The following SPATA31D1 variants were observed in gnomAD, a reference collection of about 807,000 sequenced individuals.
The protein encoded by SPATA31D1 is spermatogenesis-associated protein 31D1.
Under a neutral mutation model 13.2 loss-of-function variants are expected in SPATA31D1, and 6 were observed. The ratio of observed to expected loss-of-function variants is 0.46; its 90% CI spans 0.25 to 0.90. SPATA31D1 has a LOEUF of 0.90. Ranked by LOEUF, SPATA31D1 falls within the 40% of genes least tolerant of loss-of-function variation. SPATA31D1 has a pLI of 0.18. For synonymous variants in SPATA31D1, 903 were observed against 718.8 expected (o/e 1.26, Z -4.10); for missense variants, 2,445 against 1,884.7 (o/e 1.30, Z -5.50).
chr9:81,991,498 T>C lies in SPATA31D1; in HGVS notation c.1028T>C (p.Ile343Thr), dbSNP rs369239362. 26 of 1,613,540 alleles carry C rather than the reference T, an allele frequency of 1.6e-5. No homozygotes were observed. Among genetic ancestry groups the C allele is most frequent in the Middle Eastern group, 1.6e-4 (1 of 6,082 alleles). The change falls in exon 4 of 4, where the codon ATC becomes ACC. Residue 343 changes from isoleucine (I) to threonine (T), a missense_variant. Coordinates refer to ENST00000344803, the MANE Select transcript of SPATA31D1 (RefSeq NM_001001670.3). ...SGGSSTSAPT[I>T]KGIDHSHLAS... ...GGGTCATCCACCTCTGCCCCAACAATCAAAGGCATTGACCATTCACACCTT... is the reference window on the plus strand; with the variant it reads ...GGGTCATCCACCTCTGCCCCAACAACCAAAGGCATTGACCATTCACACCTT...
chr9:81,989,689 AATG>A (rs1393610533), intron 1 of SPATA31D1, 86 bp from the exon 2 acceptor site: 9 of 1,167,406 alleles, frequency 7.7e-6, no homozygotes, highest in Non-Finnish European at 9.6e-6. Flanking sequence ...TTGTATAATG[AATG>A]AATGAATGAA....
chr9:81,991,803 A>G lies in SPATA31D1; in HGVS notation c.1333A>G (p.Asn445Asp). 4 of 1,613,810 alleles carry G rather than the reference A, an allele frequency of 2.5e-6. No homozygotes were observed. Among genetic ancestry groups the G allele is most frequent in the Non-Finnish European group, 2.5e-6 (3 of 1,179,724 alleles). ...PGSFPKQLRP[N>D]YQLNSSRNML... ...ATCATTCCCAAAACAACTTAGGCCA[A>G]ACTACCAACTAAATTCCTCACGGAA... The change falls in exon 4 of 4, where the codon AAC becomes GAC. Residue 445 changes from asparagine to aspartate, a missense_variant. Asn to Asp is a conservative substitution (Grantham distance 23, BLOSUM62 1). Transcript: ENST00000344803.
Position 81,992,088 on chromosome 9 carries a change from A to C in SPATA31D1, c.1618A>C (p.Ile540Leu). 1.2e-6 allele frequency: 2 copies of C among 1,613,606 alleles called. No homozygotes were observed. The highest frequency in any genetic ancestry group is 2.2e-5 in the South Asian group (2 of 91,058). The change falls in exon 4 of 4, where the codon ATA becomes CTA. Residue 540 changes from isoleucine (I) to leucine (L), a missense_variant. Physicochemically the swap from Ile to Leu is conservative, Grantham distance 5. Coordinates refer to ENST00000344803, the MANE Select transcript of SPATA31D1 (RefSeq NM_001001670.3). ...VFFNGITNTS[I>L]SHESPVLPPP... ...CTTCAATGGCATTACAAATACATCT[A>C]TATCCCATGAATCCCCAGTACTTCC...
rs369239362 is a variant in SPATA31D1 at position 81,991,498 on chromosome 9, T to G, written c.1028T>G (p.Ile343Ser). The G allele has an allele frequency of 1.7e-5, 28 of 1,613,698 alleles. 1 individual carries two copies. The African/African-American group carries it at 2.7e-4, about 15-fold the overall frequency. ...GGGTCATCCACCTCTGCCCCAACAA[T>G]CAAAGGCATTGACCATTCACACCTT... ...SGGSSTSAPT[I>S]KGIDHSHLAS... The change falls in exon 4 of 4, where the codon ATC (isoleucine) becomes AGC (serine). Residue 343 changes from isoleucine to serine, a missense_variant. Ile to Ser is a moderately radical substitution (Grantham distance 142, BLOSUM62 -2). Transcript: ENST00000344803.
chr9:81,992,669 T>A lies in SPATA31D1; in HGVS notation c.2199T>A (p.Asn733Lys), dbSNP rs1257169905. ...SVSERIHGPL[N>K]ISLVEGQRCN... ...CAGAGAGAATTCATGGACCGTTAAA[T>A]ATCTCTTTGGTTGAGGGTCAGAGGT... The change falls in exon 4 of 4, where the codon AAT becomes AAA. Residue 733 changes from asparagine to lysine, a missense_variant. Coordinates refer to ENST00000344803, the MANE Select transcript of SPATA31D1 (RefSeq NM_001001670.3). The A allele has an allele frequency of 1.9e-6, 3 of 1,613,836 alleles. No homozygotes were observed. The highest frequency in any genetic ancestry group is 1.7e-6 in the Non-Finnish European group (2 of 1,179,734).
In SPATA31D1 at chr9:81,991,357, A is replaced by C; in HGVS notation, c.887A>C (p.His296Pro). The C allele has an allele frequency of 6.2e-7, 1 of 1,613,982 alleles. No homozygotes were observed. ...MNPIDSCARH[H>P]GPPIPSALPP... ...CCCATTGATTCTTGTGCTCGTCATC[A>C]CGGACCACCAATCCCATCTGCTTTA... Residue 296 changes from histidine to proline, a missense_variant, in exon 4 of 4, where the codon CAC (histidine) becomes CCC (proline). Transcript: ENST00000344803.
At position 81,993,748 on chromosome 9, in the gene SPATA31D1, C is replaced by G. The variant is rs754584975; in HGVS notation, c.3278C>G (p.Pro1093Arg). The G allele has an allele frequency of 1.3e-5, 21 of 1,613,874 alleles. No homozygotes were observed. Among genetic ancestry groups the G allele is most frequent in the Non-Finnish European group, 2.5e-6 (3 of 1,179,908 alleles). ...EDGRQTFLPP[P>R]HSIVDEVSQK... ...GGCAGACAGACTTTTCTGCCCCCGC[C>G]ACACAGCATCGTAGACGAAGTCAGT... The change falls in exon 4 of 4, where the codon CCA becomes CGA. Residue 1093 changes from proline to arginine, a missense_variant. By Grantham distance (103) the Pro-to-Arg change is moderately radical. Coordinates refer to ENST00000344803, the MANE Select transcript of SPATA31D1 (RefSeq NM_001001670.3).
intron 1 of SPATA31D1, among the ~76,000 whole-genome samples, chr9:81,989,399 C>A (rs559127891): frequency 1.3e-5 from 2 of 152,190 alleles, no homozygotes; most frequent in Non-Finnish European, 2.9e-5. Context: ...AGTCTTCCTT[C>A]GTGTTGGGCT....
In SPATA31D1 at chr9:81,991,997, T is replaced by C; in HGVS notation, c.1527T>C (p.Ser509=). The C allele has an allele frequency of 6.2e-7, 1 of 1,613,830 alleles. No homozygotes were observed. Among genetic ancestry groups the C allele is most frequent in the South Asian group, 1.1e-5 (1 of 91,074 alleles). The change falls in exon 4 of 4, where the codon TCT becomes TCC. Residue 509 remains serine, a synonymous_variant. Transcript: ENST00000344803. ...KYVQLFWGLP[S]LHSESLHPTV... is the part of the protein sequence containing the mutation. ...TCCAGCTCTTCTGGGGTCTCCCATCTTTGCACAGCGAGTCTCTGCATCCTA... is the reference window on the plus strand; with the variant it reads ...TCCAGCTCTTCTGGGGTCTCCCATCCTTGCACAGCGAGTCTCTGCATCCTA...
Position 81,993,921 on chromosome 9 carries a change from A to G in SPATA31D1, c.3451A>G (p.Asn1151Asp). 1 of 1,613,884 alleles carries G rather than the reference A, an allele frequency of 6.2e-7. No individual in the cohort carries two copies. Among genetic ancestry groups the G allele is most frequent in the Non-Finnish European group, 8.5e-7 (1 of 1,179,800 alleles). Residue 1151 changes from asparagine to aspartate, a missense_variant, in exon 4 of 4, where the codon AAT becomes GAT. Physicochemically the swap from Asn to Asp is conservative, Grantham distance 23. Coordinates refer to ENST00000344803, the MANE Select transcript of SPATA31D1 (RefSeq NM_001001670.3). Reference sequence around the variant, plus strand: ...CAGTAGAAAGACCTTTCCTGTCACCAATGCTCTTCAATCACAAACTAGGAA... The same window carrying G: ...CAGTAGAAAGACCTTTCCTGTCACCGATGCTCTTCAATCACAAACTAGGAA... Reference protein sequence around the residue: ...QGSRKTFPVTNALQSQTRNNL... With the variant: ...QGSRKTFPVTDALQSQTRNNL...
Position 81,994,453 on chromosome 9 carries a change from CAG to C in SPATA31D1, c.3984_3985del (p.Glu1330GlyfsTer17). The C allele has an allele frequency of 6.2e-7, 1 of 1,613,476 alleles. No individual in the cohort carries two copies. Among genetic ancestry groups the C allele is most frequent in the Non-Finnish European group, 8.5e-7 (1 of 1,179,608 alleles). ...AGCCTCCCTGTTCATAACAAGACATCAGGGGAGGTGCTTGGGAGCAAATCTTC... is the reference window on the plus strand; with the variant it reads ...AGCCTCCCTGTTCATAACAAGACATCGGGAGGTGCTTGGGAGCAAATCTTC... On this transcript the variant is annotated frameshift_variant, in exon 4 of 4. Coordinates refer to ENST00000344803, the MANE Select transcript of SPATA31D1 (RefSeq NM_001001670.3). LOFTEE classifies it low-confidence loss of function (END_TRUNC).
In SPATA31D1 at chr9:81,991,343, T is replaced by C; in HGVS notation, c.873T>C (p.Ser291=). 3.1e-6 allele frequency: 5 copies of C among 1,614,018 alleles called. No individual in the cohort carries two copies. Among genetic ancestry groups the C allele is most frequent in the Non-Finnish European group, 4.2e-6 (5 of 1,179,888 alleles). Residue 291 remains serine, a synonymous_variant, in exon 4 of 4, where the codon TCT becomes TCC. Transcript: ENST00000344803. The part of the protein sequence containing the change: ...DISQAMNPID[S]CARHHGPPIP... ...CGCAGGCCATGAATCCCATTGATTC[T>C]TGTGCTCGTCATCACGGACCACCAA...
rs780352940 is a variant in SPATA31D1, at chr9:81,988,919, G to T, written c.101G>T (p.Gly34Val). Residue 34 changes from glycine (G) to valine (V), a missense_variant, in exon 1 of 4, where the codon GGG (glycine) becomes GTG (valine). Physicochemically the swap from Gly to Val is moderately radical, Grantham distance 109. Coordinates refer to ENST00000344803, the MANE Select transcript of SPATA31D1 (RefSeq NM_001001670.3). ...GACCCCAACTTCATCTGCTTGAGTGGGTTGGGGTTGTTTATACTGTACTTG... is the reference window on the plus strand; with the variant it reads ...GACCCCAACTTCATCTGCTTGAGTGTGTTGGGGTTGTTTATACTGTACTTG... ...DIDPNFICLSGLGLFILYLFY... is the reference protein window; with the variant it reads ...DIDPNFICLSVLGLFILYLFY... 15 of 1,612,544 alleles carry T rather than the reference G, an allele frequency of 9.3e-6. No individual in the cohort carries two copies. The East Asian group carries it at 3.3e-4, about 36-fold the overall frequency.
Position 81,991,506 on chromosome 9 carries a change from A to T in SPATA31D1, c.1036A>T (p.Ile346Phe). The T allele has an allele frequency of 6.2e-7, 1 of 1,614,028 alleles. No homozygotes were observed. The highest frequency in any genetic ancestry group is 1.1e-5 in the South Asian group (1 of 91,084). Residue 346 changes from isoleucine to phenylalanine, a missense_variant, in exon 4 of 4, where the codon ATT (isoleucine) becomes TTT (phenylalanine). Coordinates refer to ENST00000344803, the MANE Select transcript of SPATA31D1 (RefSeq NM_001001670.3). ...CACCTCTGCCCCAACAATCAAAGGC[A>T]TTGACCATTCACACCTTGCATCTTC... Reference protein sequence around the residue: ...SSTSAPTIKGIDHSHLASSEF... With the variant: ...SSTSAPTIKGFDHSHLASSEF...
rs1043904500 is a variant in SPATA31D1 at position 81,991,909 on chromosome 9, A to T, written c.1439A>T (p.Gln480Leu). The T allele has an allele frequency of 1.9e-6, 3 of 1,613,686 alleles. No homozygotes were observed. In the Admixed American group the frequency reaches 5.0e-5, roughly 27 times the overall value. The change falls in exon 4 of 4, where the codon CAG becomes CTG. Residue 480 changes from glutamine to leucine, a missense_variant. By Grantham distance (113) the Gln-to-Leu change is moderately radical (BLOSUM62 -2). Transcript: ENST00000344803. ...GCCAGTAAAGGCAAACTAGAATGGC[A>T]GCACATCCATCAGCAGCCTCCACAC... ...FWASKGKLEWQHIHQQPPHSK... is the reference protein window; with the variant it reads ...FWASKGKLEWLHIHQQPPHSK...
chr9:81,988,657 C>T, upstream of SPATA31D1: 1 of 1,123,658 alleles, frequency 8.9e-7, no homozygotes, highest in Non-Finnish European at 1.3e-6. Context: ...GTCAGCTGGG[C>T]TGGTGGGGTT....
In SPATA31D1 at chr9:81,992,707, A is replaced by T; in HGVS notation, c.2237A>T (p.Lys746Met). 6.2e-7 allele frequency: 1 copy of T among 1,613,838 alleles called. No homozygotes were observed. Among genetic ancestry groups the T allele is most frequent in the South Asian group, 1.1e-5 (1 of 91,080 alleles). The change falls in exon 4 of 4, where the codon AAG becomes ATG. Residue 746 changes from lysine to methionine, a missense_variant. Transcript: ENST00000344803. ...GAGGGTCAGAGGTGCAATGTTCTAA[A>T]GAAGTCCGCATCAAGCTTCCCTAGA... The part of the protein sequence containing the change: ...LVEGQRCNVL[K>M]KSASSFPRSF...
At chr9:81,989,385 A>C (rs1183956312) in intron 1 of SPATA31D1, among the ~76,000 whole-genome samples, 1 of 152,196 alleles carries the variant, frequency 6.6e-6, no homozygotes, top group Non-Finnish European at 1.5e-5. Context: ...CTGTCACTTG[A>C]CCAAGTCTTC....
chr9:81,995,056 C>G lies in SPATA31D1; in HGVS notation c.4586C>G (p.Pro1529Arg). Residue 1529 changes from proline to arginine, a missense_variant, in exon 4 of 4, where the codon CCC (proline) becomes CGC (arginine). By Grantham distance (103) the Pro-to-Arg change is moderately radical. Transcript: ENST00000344803. The part of the protein sequence containing the change: ...PHRKPVPHPN[P>R]TCRRQVSLVC... ...AGGAAGCCTGTGCCACATCCAAACC[C>G]CACTTGCCGGCGTCAGGTCAGCCTG... The G allele has an allele frequency of 6.2e-7, 1 of 1,613,702 alleles. No homozygotes were observed. Among genetic ancestry groups the G allele is most frequent in the Non-Finnish European group, 8.5e-7 (1 of 1,179,764 alleles).
Sources: allele counts gnomAD v4.1 joint callset (sites outside exome capture counted in the v4.1 genomes callset), GRCh38; gene constraint gnomAD v4.1.1; transcripts MANE v1.5; gene names NCBI Gene and HGNC (gene_info 2026-07-23, HGNC 2026-07-21).